The following DCDC1 variants were observed in gnomAD, a reference collection of about 807,000 sequenced individuals.
DCDC1 encodes doublecortin domain containing 1.
Under a neutral mutation model 178.3 loss-of-function variants are expected in DCDC1, and 200 were observed. That is an observed-to-expected ratio of 1.12 (90% CI 1.00 to 1.26). The LOEUF is 1.26. Among genes scored for constraint, DCDC1 ranks in the 50% most tolerant of loss-of-function variants. The pLI, the probability that DCDC1 is intolerant of heterozygous loss-of-function variation, is 0.00. For missense variants in DCDC1, 1,983 were observed against 1,749.2 expected (o/e 1.13, Z -2.38); for synonymous variants, 690 against 604.8 (o/e 1.14, Z -2.07).
chr11:31,311,719 T>A (rs1565594388), intron 3 of DCDC1, among the ~76,000 whole-genome samples: 1 of 152,100 alleles, frequency 6.6e-6, no homozygotes. Context: ...GTGAAGAATT[T>A]AACACAAACA....
At chr11:31,064,843 T>A (rs1006155615) in intron 19 of DCDC1, among the ~76,000 whole-genome samples, 176 bp downstream of exon 19, 6 of 152,216 alleles carry the variant, frequency 3.9e-5, no homozygotes, top group Non-Finnish European at 8.8e-5. Flanking sequence ...AGTTATATGT[T>A]TACATAAATA....
intron 3 of DCDC1, among the ~76,000 whole-genome samples, chr11:31,310,654 G>C (rs1394801492): frequency 6.6e-6 from 1 of 151,926 alleles, no homozygotes; most frequent in Non-Finnish European, 1.5e-5. Context: ...TATAACAATT[G>C]ATAGGTGTTT....
At chr11:30,985,533 A>G in intron 20 of DCDC1, among the ~76,000 whole-genome samples, 1 of 152,224 alleles carries the variant, frequency 6.6e-6, no homozygotes, top group East Asian at 1.9e-4. Flanking sequence ...TAGTACAATG[A>G]CATTTTAAAA....
At position 31,301,470 on chromosome 11, in the gene DCDC1, T is replaced by G. The variant is rs143384569; in HGVS notation, c.754+4145A>C. Among the ~76,000 whole-genome samples, 315 of 152,298 alleles carry G rather than the reference T, an allele frequency of 2.1e-3. 2 individuals are homozygous for G. The highest frequency in any genetic ancestry group is 6.6e-3 in the African/African-American group (275 of 41,558). The stretch of plus-strand genomic sequence containing the variant: ...GCAGCAGAAATATTAAGGTATGATG[T>G]GATGTGAGTAGTGGGTCACCTATTG... On this transcript the variant is annotated intron_variant, in intron 6 of 38. Coordinates refer to ENST00000684477, the MANE Select transcript of DCDC1 (RefSeq NM_001387274.1).
intron 6 of DCDC1, among the ~76,000 whole-genome samples, chr11:31,300,037 T>C (rs368841708): frequency 3.3e-5 from 5 of 152,162 alleles, no homozygotes; most frequent in African/African-American, 7.2e-5. Context: ...TTTGTATTTT[T>C]AGTAGAGATG....
intron 20 of DCDC1, among the ~76,000 whole-genome samples, chr11:31,029,292 A>G (rs993763437): frequency 6.6e-6 from 1 of 152,102 alleles, no homozygotes; most frequent in South Asian, 2.1e-4. Flanking sequence ...AAAACGGGGT[A>G]CCAGGAGTGG....
chr11:31,104,046 A>G (rs1055922979), intron 13 of DCDC1, among the ~76,000 whole-genome samples: 4 of 152,212 alleles, frequency 2.6e-5, no homozygotes, highest in African/African-American at 9.6e-5. Context: ...TTAGTTGAGA[A>G]AAACAATCGT....
intron 20 of DCDC1, among the ~76,000 whole-genome samples, chr11:30,967,563 G>A (rs1949507649): frequency 6.6e-6 from 1 of 152,166 alleles, no homozygotes; most frequent in African/African-American, 2.4e-5. Flanking sequence ...ACACTTCAAG[G>A]TAAAGGCTCC....
intron 8 of DCDC1, among the ~76,000 whole-genome samples, chr11:31,251,033 G>A (rs551172819): frequency 1.3e-5 from 2 of 152,238 alleles, no homozygotes; most frequent in South Asian, 2.1e-4. Context: ...GATTATAGGT[G>A]TGAGCCACCA....
At chr11:31,357,231 T>A (rs1424500122) in intron 1 of DCDC1, among the ~76,000 whole-genome samples, 1 of 151,950 alleles carries the variant, frequency 6.6e-6, no homozygotes, top group African/African-American at 2.4e-5. Flanking sequence ...TCAAAAAGCT[T>A]ATCCACCATG....
At position 31,084,033 on chromosome 11, in the gene DCDC1, T is replaced by C. The variant is rs1957340275; in HGVS notation, c.2238-6108A>G. Among the ~76,000 whole-genome samples the C allele has an allele frequency of 2.6e-5, 4 of 152,308 alleles. No individual in the cohort carries two copies. In the South Asian group the frequency reaches 8.3e-4, roughly 32 times the overall value. On this transcript the variant is annotated intron_variant, in intron 17 of 38. Coordinates refer to ENST00000684477, the MANE Select transcript of DCDC1 (RefSeq NM_001387274.1). ...TTTAGGTCACCTGGTAAAGAGATTG[T>C]TGGTTTACCTTTCATCCATTAACAG...
rs559211611 is a variant in DCDC1, at chr11:31,175,624, T to A, written c.1222-37840A>T. 7.2e-5 allele frequency among the ~76,000 whole-genome samples: 11 copies of A among 152,274 alleles called. 1 individual carries two copies. In the South Asian group the frequency reaches 2.3e-3, roughly 32 times the overall value. On this transcript the variant is annotated intron_variant, in intron 9 of 38. Transcript: ENST00000684477. ...CACACCTGTGTCCAGCCAATGGCCA[T>A]CTCAACAGGAACCATCACTTCCCCA...
At chr11:31,153,288 T>C (rs1965365506) in intron 9 of DCDC1, among the ~76,000 whole-genome samples, 1 of 152,198 alleles carries the variant, frequency 6.6e-6, no homozygotes, top group Admixed American at 6.5e-5. Context: ...GCCCTTACGC[T>C]ATGTCATAGT....
intron 20 of DCDC1, among the ~76,000 whole-genome samples, chr11:31,059,255 A>T (rs1480695528): frequency 6.6e-6 from 1 of 152,132 alleles, no homozygotes; most frequent in Non-Finnish European, 1.5e-5. Context: ...ATGCAATTAC[A>T]TTATTTGTTC....
intron 9 of DCDC1, among the ~76,000 whole-genome samples, chr11:31,166,282 G>C (rs2616796): frequency 0.091 from 13,899 of 152,090 alleles, 1,741 homozygotes; most frequent in African/African-American, 0.28. Flanking sequence ...TCATGAAATT[G>C]TAAGGAAAGC....
At position 31,301,635 on chromosome 11, in the gene DCDC1, T is replaced by C. The variant is rs140998980; in HGVS notation, c.754+3980A>G. Among the ~76,000 whole-genome samples the C allele has an allele frequency of 6.3e-3, 965 of 152,342 alleles. 7 individuals are homozygous for C. Among genetic ancestry groups the C allele is most frequent in the Non-Finnish European group, 8.9e-3 (605 of 68,032 alleles). On this transcript the variant is annotated intron_variant, in intron 6 of 38. Transcript: ENST00000684477. ...CAAAATATGACAGAACATTTCATTA[T>C]GGACGCAGATATGAGAAAAAGTGTT...
At chr11:31,239,222 C>T (rs763582981) in intron 9 of DCDC1, among the ~76,000 whole-genome samples, 30 of 152,028 alleles carry the variant, frequency 2.0e-4, no homozygotes, top group East Asian at 1.9e-3. Flanking sequence ...TTCTTTAAAA[C>T]AATCTTATAT....
chr11:31,352,406 A>G (rs1287967471), intron 1 of DCDC1, among the ~76,000 whole-genome samples: 1 of 152,194 alleles, frequency 6.6e-6, no homozygotes, highest in Non-Finnish European at 1.5e-5. Context: ...TTCAAACATA[A>G]TTGAATTCAG....
intron 9 of DCDC1, among the ~76,000 whole-genome samples, chr11:31,162,650 G>A (rs1015784871): frequency 1.3e-5 from 2 of 152,082 alleles, no homozygotes; most frequent in Non-Finnish European, 1.5e-5. Context: ...GATGGTGTGT[G>A]TATTGGGGCT....
Sources: allele counts gnomAD v4.1 joint callset (sites outside exome capture counted in the v4.1 genomes callset), GRCh38; gene constraint gnomAD v4.1.1; transcripts MANE v1.5; gene names NCBI Gene and HGNC (gene_info 2026-07-23, HGNC 2026-07-21).